The following PTPRR variants were observed in gnomAD, a reference collection of about 807,000 sequenced individuals.
The protein encoded by PTPRR is protein tyrosine phosphatase receptor type R.
A neutral mutation model predicts 77.2 loss-of-function variants in PTPRR; 38 were observed. That is an observed-to-expected ratio of 0.49 (90% confidence interval 0.38 to 0.65). PTPRR has a LOEUF of 0.65. Among genes scored for constraint, PTPRR ranks in the 30% least tolerant of loss-of-function variants. PTPRR has a pLI of 0.00. For synonymous variants in PTPRR, 299 were observed against 283.1 expected (o/e 1.06, Z -0.57); for missense variants, 744 against 799.2 (o/e 0.93, Z 0.83).
intron 8 of PTPRR, among the ~76,000 whole-genome samples, chr12:70,689,220 G>A (rs569680158): frequency 6.5e-4 from 99 of 151,962 alleles, no homozygotes; most frequent in African/African-American, 2.3e-3. Flanking sequence ...TTGAGGTAAT[G>A]GATACATTAA....
At chr12:70,702,015 G>A (rs1888445206) in intron 6 of PTPRR, among the ~76,000 whole-genome samples, 1 of 151,954 alleles carries the variant, frequency 6.6e-6, no homozygotes, top group African/African-American at 2.4e-5. Flanking sequence ...AAAAAAAGAT[G>A]GCTTCTGTAT....
chr12:70,810,065 C>T (rs1302387926), intron 2 of PTPRR, among the ~76,000 whole-genome samples: 2 of 152,172 alleles, frequency 1.3e-5, no homozygotes, highest in Admixed American at 6.6e-5. Context: ...CATGTAAATA[C>T]AGTGGGACTT....
intron 8 of PTPRR, among the ~76,000 whole-genome samples, chr12:70,697,464 T>G (rs1325052140): frequency 6.6e-6 from 1 of 152,198 alleles, no homozygotes; most frequent in Admixed American, 6.6e-5. Context: ...TACATGTCCC[T>G]TATTAGATAC....
intron 2 of PTPRR, among the ~76,000 whole-genome samples, chr12:70,830,960 TAC>T (rs1892201532): frequency 6.6e-6 from 1 of 152,240 alleles, no homozygotes; most frequent in Non-Finnish European, 1.5e-5. Flanking sequence ...GCCTGACATA[TAC>T]AGTGTTGATA....
intron 2 of PTPRR, among the ~76,000 whole-genome samples, chr12:70,794,461 T>C (rs1326597276): frequency 6.6e-6 from 1 of 151,952 alleles, no homozygotes; most frequent in African/African-American, 2.4e-5. Context: ...TGGAGTGAAA[T>C]GGAGGGGAGG....
At chr12:70,806,535 T>A (rs1359123626) in intron 2 of PTPRR, among the ~76,000 whole-genome samples, 2 of 152,176 alleles carry the variant, frequency 1.3e-5, no homozygotes, top group Non-Finnish European at 2.9e-5. Context: ...AAACCATTTG[T>A]CAAAGCAATA....
chr12:70,884,108 G>C (rs1893194409), intron 2 of PTPRR, among the ~76,000 whole-genome samples: 1 of 152,146 alleles, frequency 6.6e-6, no homozygotes, highest in African/African-American at 2.4e-5. Flanking sequence ...TTTGCCCAGG[G>C]AGAGAACCTT....
intron 2 of PTPRR, among the ~76,000 whole-genome samples, chr12:70,818,169 G>A (rs11178443): frequency 4.0e-5 from 6 of 149,762 alleles, no homozygotes; most frequent in Non-Finnish European, 8.9e-5. Flanking sequence ...TTGAAATGCA[G>A]AGGTTGCAGT....
chr12:70,915,283 G>A (rs4278599), intron 1 of PTPRR, among the ~76,000 whole-genome samples: 12 of 151,964 alleles, frequency 7.9e-5, no homozygotes, highest in Non-Finnish European at 1.3e-4. Context: ...GGATGAGGAC[G>A]GAAGCTGATA....
At chr12:70,716,127 G>A (rs747590414) in intron 6 of PTPRR, among the ~76,000 whole-genome samples, 20 of 152,148 alleles carry the variant, frequency 1.3e-4, no homozygotes, top group Non-Finnish European at 2.6e-4. Flanking sequence ...CTGACTTCCC[G>A]CAACCTTACA....
chr12:70,661,268 T>A, intron 11 of PTPRR, 171 bp from the exon 12 acceptor site: 2 of 775,834 alleles, frequency 2.6e-6, no homozygotes, highest in Non-Finnish European at 2.2e-6. Flanking sequence ...GAGAAGACTT[T>A]ACTGTCAGTA....
chr12:70,729,276 A>G (rs1889567422), intron 6 of PTPRR, among the ~76,000 whole-genome samples: 1 of 152,194 alleles, frequency 6.6e-6, no homozygotes, highest in Admixed American at 6.5e-5. Context: ...GTGTGTATAT[A>G]TAGATCTTTA....
At chr12:70,850,191 G>GTTGCTACTAAAAATGCAAAAATGAT (rs1892548840) in intron 2 of PTPRR, among the ~76,000 whole-genome samples, 1 of 151,978 alleles carries the variant, frequency 6.6e-6, no homozygotes, top group Non-Finnish European at 1.5e-5. Flanking sequence ...GTAAAACCCT[G>GTTGCTACTAAAAATGCAAAAATGAT]TTGCTACTAA....
chr12:70,828,503 A>AT (rs1412624625), intron 2 of PTPRR, among the ~76,000 whole-genome samples: 2 of 152,160 alleles, frequency 1.3e-5, no homozygotes, highest in African/African-American at 4.8e-5. Flanking sequence ...TTTTGGCTTC[A>AT]TTTTTCTCTT....
chr12:70,811,673 T>C (rs1891810990), intron 2 of PTPRR, among the ~76,000 whole-genome samples: 1 of 152,220 alleles, frequency 6.6e-6, no homozygotes, highest in Admixed American at 6.5e-5. Flanking sequence ...TCAACATTTA[T>C]TGAACCTTTT....
chr12:70,764,631 T>G (rs1592742187), intron 3 of PTPRR, 34 bp downstream of exon 3: 1 of 1,551,556 alleles, frequency 6.4e-7, no homozygotes, highest in Non-Finnish European at 8.9e-7. Context: ...ACACACGGCT[T>G]GAATTTTGGA....
In PTPRR at chr12:70,662,582, T is replaced by A; in HGVS notation, c.1521A>T (p.Glu507Asp). The change falls in exon 11 of 14, where the codon GAA becomes GAT. Residue 507 changes from glutamate (E) to aspartate (D), a missense_variant. Glu to Asp is a conservative substitution (Grantham distance 45). Around this residue, in one of 3 missense-constraint regions of PTPRR, gnomAD observed 170 missense variants for 209.8 expected, o/e 0.81. Coordinates refer to ENST00000283228, the MANE Select transcript of PTPRR (RefSeq NM_002849.4). ...KNEKCVLYWP[E>D]KRGIYGKVEV... ...CAACTTTTCCATATATCCCTCTCTT[T>A]TCCGGCCAGTATAGCACACATTTCT... The A allele has an allele frequency of 3.1e-6, 5 of 1,610,800 alleles. No individual in the cohort carries two copies. Among genetic ancestry groups the A allele is most frequent in the Non-Finnish European group, 4.2e-6 (5 of 1,177,420 alleles).
chr12:70,677,028 T>G (rs1887475577), intron 10 of PTPRR, among the ~76,000 whole-genome samples: 1 of 152,156 alleles, frequency 6.6e-6, no homozygotes, highest in Non-Finnish European at 1.5e-5. Flanking sequence ...TTTAACAATA[T>G]TAATTATTCC....
intron 5 of PTPRR, 89 bp from the exon 6 acceptor site, chr12:70,746,175 C>T (rs1890210674): frequency 1.6e-6 from 2 of 1,227,700 alleles, no homozygotes; most frequent in East Asian, 5.0e-5. Flanking sequence ...GCCGACAAAC[C>T]AAAATAAAGG....
Sources: allele counts gnomAD v4.1 joint callset (sites outside exome capture counted in the v4.1 genomes callset), GRCh38; gene constraint gnomAD v4.1.1; regional missense constraint gnomAD v4.1.1; transcripts MANE v1.5; gene names NCBI Gene and HGNC (gene_info 2026-07-23, HGNC 2026-07-21).